ANGPT1: variants seen among roughly 807,000 people sequenced by gnomAD.
The protein encoded by ANGPT1 is angiopoietin 1.
A neutral mutation model predicts 62.2 loss-of-function variants in ANGPT1; 17 were observed. That is an observed-to-expected ratio of 0.27 (90% CI 0.19 to 0.41). ANGPT1 has a LOEUF of 0.41. Among genes scored for constraint, ANGPT1 ranks in the 10% least tolerant of loss-of-function variants. The pLI, the probability that ANGPT1 is intolerant of heterozygous loss-of-function variation, is 1.00. For synonymous variants in ANGPT1, 199 were observed against 198.9 expected (o/e 1.00, Z 0.00); for missense variants, 478 against 594.9 (o/e 0.80, Z 2.04).
intron 1 of ANGPT1, among the ~76,000 whole-genome samples, chr8:107,443,363 A>C (rs1811528122): frequency 1.3e-5 from 2 of 152,202 alleles, no homozygotes; most frequent in African/African-American, 4.8e-5. Context: ...GTTATGAATC[A>C]GTGTCTTTGA....
At chr8:107,387,425 G>A (rs941775973) in intron 1 of ANGPT1, among the ~76,000 whole-genome samples, 20 of 152,040 alleles carry the variant, frequency 1.3e-4, no homozygotes, top group Admixed American at 6.6e-4. Context: ...CTTTCTGTGT[G>A]CACTGCAAAA....
chr8:107,321,659 A>C (rs1815152187), intron 4 of ANGPT1, among the ~76,000 whole-genome samples: 1 of 152,162 alleles, frequency 6.6e-6, no homozygotes, highest in South Asian at 2.1e-4. Flanking sequence ...AGAAAGAAGA[A>C]ATTAGAAAGC....
chr8:107,397,195 C>A (rs11785702), intron 1 of ANGPT1, among the ~76,000 whole-genome samples: 24,964 of 152,050 alleles, frequency 0.16, 2,782 homozygotes, highest in East Asian at 0.56. Flanking sequence ...TACTACAAAA[C>A]CATCATTCCT....
chr8:107,399,881 T>A (rs1013169751), intron 1 of ANGPT1, among the ~76,000 whole-genome samples: 2 of 151,996 alleles, frequency 1.3e-5, no homozygotes, highest in Non-Finnish European at 1.5e-5. Flanking sequence ...TTAGAAAACA[T>A]CAGGGTAGTT....
At chr8:107,433,532 T>C (rs1811251042) in intron 1 of ANGPT1, among the ~76,000 whole-genome samples, 2 of 152,238 alleles carry the variant, frequency 1.3e-5, no homozygotes. Context: ...AAGCAAATAA[T>C]ACAAATAAAG....
intron 1 of ANGPT1, among the ~76,000 whole-genome samples, chr8:107,449,339 C>A (rs956062884): frequency 3.3e-5 from 5 of 151,290 alleles, no homozygotes; most frequent in Non-Finnish European, 7.4e-5. Context: ...GTAGGCAGAG[C>A]TTTTTACTGA....
At chr8:107,293,306 C>T (rs1814326358) in intron 6 of ANGPT1, among the ~76,000 whole-genome samples, 1 of 152,038 alleles carries the variant, frequency 6.6e-6, no homozygotes, top group Admixed American at 6.6e-5. Flanking sequence ...ACTCCTCGTG[C>T]CTTAAATCTG....
At chr8:107,268,406 T>TG (rs1554577240) in intron 7 of ANGPT1, among the ~76,000 whole-genome samples, 3 of 144,558 alleles carry the variant, frequency 2.1e-5, no homozygotes, top group South Asian at 2.2e-4. Flanking sequence ...ACATGTAGGG[T>TG]TGTGTGTGTG....
intron 1 of ANGPT1, among the ~76,000 whole-genome samples, chr8:107,474,716 G>A (rs60732411): frequency 0.19 from 29,456 of 152,082 alleles, 3,147 homozygotes; most frequent in African/African-American, 0.26. Context: ...TCCTTAAGCT[G>A]ATAAGCAACT....
chr8:107,369,674 T>C (rs1816342353), intron 1 of ANGPT1, among the ~76,000 whole-genome samples: 1 of 152,108 alleles, frequency 6.6e-6, no homozygotes, highest in African/African-American at 2.4e-5. Flanking sequence ...ATTGACCTAA[T>C]TTCAATATTT....
chr8:107,331,502 C>T (rs1465241052), intron 3 of ANGPT1, among the ~76,000 whole-genome samples: 2 of 152,158 alleles, frequency 1.3e-5, no homozygotes, highest in South Asian at 2.1e-4. Context: ...GGCCTCATCA[C>T]ATTGCAAAAA....
chr8:107,336,198 T>C lies in ANGPT1; in HGVS notation c.527A>G (p.Gln176Arg). ...NSLSTYKLEK[Q>R]LLQQTNEILK... is the part of the protein sequence containing the mutation. Reference sequence around the variant, plus strand: ...GATTTCATTTGTCTGTTGAAGAAGTTGCTTCTCTAGCTTGTAGGTGGATAA... The same window carrying C: ...GATTTCATTTGTCTGTTGAAGAAGTCGCTTCTCTAGCTTGTAGGTGGATAA... Residue 176 changes from glutamine (Q) to arginine (R), a missense_variant, in exon 3 of 9, where the codon CAA becomes CGA. By Grantham distance (43) the Gln-to-Arg change is conservative. Transcript: ENST00000517746. 3.1e-6 allele frequency: 5 copies of C among 1,609,806 alleles called. No homozygotes were observed. The highest frequency in any genetic ancestry group is 4.2e-6 in the Non-Finnish European group (5 of 1,178,768).
chr8:107,367,715 T>A (rs2130230500), intron 1 of ANGPT1, among the ~76,000 whole-genome samples: 2 of 152,342 alleles, frequency 1.3e-5, no homozygotes, highest in Admixed American at 1.3e-4. Flanking sequence ...CTGTTGTCAT[T>A]TCAACAATGT....
At chr8:107,254,841 C>G (rs1428028666) in intron 8 of ANGPT1, among the ~76,000 whole-genome samples, 1 of 152,092 alleles carries the variant, frequency 6.6e-6, no homozygotes, top group Non-Finnish European at 1.5e-5. Flanking sequence ...ATCAGGCAAA[C>G]AAGTAAAACA....
At chr8:107,405,696 A>G (rs950970093) in intron 1 of ANGPT1, among the ~76,000 whole-genome samples, 18 of 152,144 alleles carry the variant, frequency 1.2e-4, no homozygotes, top group African/African-American at 4.3e-4. Flanking sequence ...TCCTGGTCCC[A>G]AGTATTCTGG....
At chr8:107,434,167 A>C (rs1192206569) in intron 1 of ANGPT1, among the ~76,000 whole-genome samples, 1 of 152,202 alleles carries the variant, frequency 6.6e-6, no homozygotes, top group Non-Finnish European at 1.5e-5. Context: ...AAGTAGAGAG[A>C]AAAGGTAATA....
At chr8:107,276,909 G>T (rs1813880640) in intron 7 of ANGPT1, among the ~76,000 whole-genome samples, 1 of 152,002 alleles carries the variant, frequency 6.6e-6, no homozygotes, top group African/African-American at 2.4e-5. Context: ...TCACAATTTT[G>T]GTTTAAAATT....
rs1284718290 is a variant in ANGPT1, at chr8:107,284,737, G to A, written c.1150C>T (p.Arg384Ter). The part of the protein sequence containing the change: ...RIELMDWEGN[R>*]AYSQYDRFHI... The stretch of plus-strand genomic sequence containing the variant: ...AATCTGTCATACTGTGAATAGGCTC[G>A]GTTCCCTTCCCAGTCCATTAACTCA... Residue 384 changes from arginine to a stop codon, truncating the protein, a stop_gained, in exon 7 of 9, where the codon CGA becomes TGA. Transcript: ENST00000517746. LOFTEE classifies it high-confidence loss of function. 2.5e-6 allele frequency: 4 copies of A among 1,609,932 alleles called. No individual in the cohort carries two copies. Among genetic ancestry groups the A allele is most frequent in the Non-Finnish European group, 2.5e-6 (3 of 1,177,442 alleles).
At chr8:107,336,403 C>T in intron 2 of ANGPT1, 132 bp from the exon 3 acceptor site, 5 of 1,323,052 alleles carry the variant, frequency 3.8e-6, no homozygotes, top group Non-Finnish European at 3.9e-6. Context: ...CAGTGGCTCA[C>T]GCCTGTAATC....
Sources: allele counts gnomAD v4.1 joint callset (sites outside exome capture counted in the v4.1 genomes callset), GRCh38; gene constraint gnomAD v4.1.1; transcripts MANE v1.5; gene names NCBI Gene and HGNC (gene_info 2026-07-23, HGNC 2026-07-21).